NCOA7: variants seen among roughly 807,000 people sequenced by gnomAD.
The protein encoded by NCOA7 is 140 kDa estrogen receptor-associated protein.
NCOA7 carries 45 observed loss-of-function variants against 104.3 expected under a neutral mutation model. The ratio of observed to expected loss-of-function variants is 0.43; its 90% CI spans 0.34 to 0.55. NCOA7 has a LOEUF of 0.55. Ranked by LOEUF, NCOA7 falls within the 20% of genes least tolerant of loss-of-function variation. NCOA7 has a pLI of 0.02. For synonymous variants in NCOA7, 398 were observed against 402.3 expected (o/e 0.99, Z 0.13); for missense variants, 1,041 against 1,119.7 (o/e 0.93, Z 1.00).
At chr6:125,784,964 A>G (rs1187745161) in intron 1 of NCOA7, among the ~76,000 whole-genome samples, 1 of 151,006 alleles carries the variant, frequency 6.6e-6, no homozygotes, top group East Asian at 2.0e-4. Context: ...GTGGTGATAC[A>G]AGATATGATA....
intron 3 of NCOA7, among the ~76,000 whole-genome samples, chr6:125,871,409 C>CA (rs1389115375): frequency 1.3e-5 from 2 of 152,260 alleles, no homozygotes; most frequent in Non-Finnish European, 2.9e-5. Flanking sequence ...CAGTCCCAGA[C>CA]ACACAGGACT....
chr6:125,788,746 G>A (rs939979781), upstream of NCOA7, among the ~76,000 whole-genome samples: 1 of 131,414 alleles, frequency 7.6e-6, no homozygotes, highest in African/African-American at 2.9e-5. Flanking sequence ...GTTTCACCAT[G>A]TTGGCCAGGA....
chr6:125,882,757 C>T (rs1238973218), intron 7 of NCOA7, among the ~76,000 whole-genome samples: 1 of 152,062 alleles, frequency 6.6e-6, no homozygotes, highest in Non-Finnish European at 1.5e-5. Context: ...AAATGTGATT[C>T]TTTGTGATCT....
chr6:125,865,426 A>C (rs1782367488), intron 3 of NCOA7, among the ~76,000 whole-genome samples: 1 of 137,682 alleles, frequency 7.3e-6, no homozygotes, highest in South Asian at 2.2e-4. Context: ...GTACTGCATG[A>C]CATTTTCCTT....
chr6:125,826,045 G>T (rs537234371), intron 2 of NCOA7, among the ~76,000 whole-genome samples: 1 of 152,198 alleles, frequency 6.6e-6, no homozygotes, highest in African/African-American at 2.4e-5. Context: ...CATTATTTTG[G>T]CTGAGCGCAG....
chr6:125,874,723 G>T, intron 3 of NCOA7, among the ~76,000 whole-genome samples, 166 bp from the exon 4 acceptor site: 1 of 151,938 alleles, frequency 6.6e-6, no homozygotes, highest in Admixed American at 6.6e-5. Context: ...TATTCAGGAC[G>T]AATAGTGTGC....
At chr6:125,837,554 A>G (rs977081776) in intron 2 of NCOA7, among the ~76,000 whole-genome samples, 5 of 152,020 alleles carry the variant, frequency 3.3e-5, no homozygotes, top group Non-Finnish European at 7.4e-5. Flanking sequence ...AACCCTTCCC[A>G]TATCCAGTCA....
chr6:125,792,486 C>T (rs973330883), intron 1 of NCOA7, among the ~76,000 whole-genome samples: 1 of 152,016 alleles, frequency 6.6e-6, no homozygotes, highest in East Asian at 1.9e-4. Context: ...TAAGTTACGC[C>T]AGAGGAAACA....
chr6:125,894,413 C>T (rs960129847), intron 10 of NCOA7, among the ~76,000 whole-genome samples: 3 of 152,096 alleles, frequency 2.0e-5, no homozygotes, highest in Non-Finnish European at 4.4e-5. Context: ...CACTACTGTC[C>T]CCTTCCCTAG....
intron 10 of NCOA7, among the ~76,000 whole-genome samples, chr6:125,892,766 G>A (rs757667420): frequency 1.3e-5 from 2 of 152,130 alleles, no homozygotes; most frequent in East Asian, 1.9e-4. Context: ...GTTTACCTTC[G>A]GGTAGCAAAT....
chr6:125,810,142 G>T (rs1776840165), intron 1 of NCOA7: 1 of 152,154 alleles, frequency 6.6e-6, no homozygotes, highest in Non-Finnish European at 1.5e-5. Context: ...CACAGAATTT[G>T]CAAGTTAAGA....
intron 10 of NCOA7, among the ~76,000 whole-genome samples, chr6:125,908,212 C>G (rs1562170659): frequency 1.3e-5 from 2 of 152,204 alleles, no homozygotes; most frequent in East Asian, 1.9e-4. Context: ...AAAATGGCAC[C>G]AGCAGGTAAG....
At chr6:125,909,464 G>C (rs1247524107) in intron 10 of NCOA7, among the ~76,000 whole-genome samples, 1 of 152,138 alleles carries the variant, frequency 6.6e-6, no homozygotes, top group Non-Finnish European at 1.5e-5. Context: ...GAGTAAGTCA[G>C]GTTAACTTGT....
intron 3 of NCOA7, among the ~76,000 whole-genome samples, chr6:125,857,820 A>G (rs182674995): frequency 6.6e-6 from 1 of 152,142 alleles, no homozygotes; most frequent in African/African-American, 2.4e-5. Context: ...TCCTGACTCC[A>G]AGTGATCCAC....
At chr6:125,915,202 A>G in intron 10 of NCOA7, 131 bp from the exon 11 acceptor site, 1 of 1,133,488 alleles carries the variant, frequency 8.8e-7, no homozygotes, top group Non-Finnish European at 1.2e-6. Context: ...AACCTTGATA[A>G]TGGGAAATTT....
chr6:125,900,171 A>G, intron 10 of NCOA7: 1 of 388,956 alleles, frequency 2.6e-6, no homozygotes. Flanking sequence ...TGGGAATGGG[A>G]ACACAGGCCT....
At chr6:125,844,397 A>G (rs753331231) in intron 2 of NCOA7, among the ~76,000 whole-genome samples, 4 of 152,222 alleles carry the variant, frequency 2.6e-5, no homozygotes, top group Non-Finnish European at 4.4e-5. Context: ...AAAAGAATGC[A>G]TGTCTCCATG....
chr6:125,783,268 A>G (rs573850517), intron 1 of NCOA7, among the ~76,000 whole-genome samples: 3 of 152,332 alleles, frequency 2.0e-5, no homozygotes, highest in East Asian at 3.9e-4. Flanking sequence ...GCTACCTTTT[A>G]TAACTGTAAT....
chr6:125,911,746 T>C (rs1002330220), intron 10 of NCOA7, among the ~76,000 whole-genome samples: 5 of 152,184 alleles, frequency 3.3e-5, no homozygotes, highest in African/African-American at 1.2e-4. Context: ...CTCTGGTCGG[T>C]CTTCGTTCCA....
Sources: gnomAD v4.1 joint callset for allele counts (sites outside exome capture counted in the v4.1 genomes callset) on GRCh38, gnomAD v4.1.1 for gene constraint, MANE v1.5 for transcripts, NCBI Gene and HGNC (gene_info 2026-07-23, HGNC 2026-07-21) for gene names.